ACOX1: variants seen among roughly 807,000 people sequenced by gnomAD.
The protein encoded by ACOX1 is peroxisomal acyl-coenzyme A oxidase 1.
ACOX1 carries 41 observed loss-of-function variants against 75.5 expected under a neutral mutation model. That is an observed-to-expected ratio of 0.54 (90% CI 0.42 to 0.70). The LOEUF (loss-of-function observed/expected upper bound fraction) is 0.70, where lower values mean the gene tolerates loss of function less well. ACOX1 is among the 30% of genes least tolerant of loss of function. ACOX1 has a pLI of 0.00. For synonymous variants in ACOX1, 303 were observed against 298.8 expected (o/e 1.01, Z -0.15); for missense variants, 630 against 837.5 (o/e 0.75, Z 3.06).
chr17:75,956,967 CTCTCTATATATATATATA>C (rs1567878016), intron 4 of ACOX1, among the ~76,000 whole-genome samples: 129 of 11,022 alleles, frequency 0.012, 1 homozygote, highest in Non-Finnish European at 0.015. Flanking sequence ...CTCTCTCTCT[CTCTCTATATATATATATA>C]TATATATATA....
chr17:75,975,935 GAAAGAAAAGA>G (rs140583125), intron 2 of ACOX1, among the ~76,000 whole-genome samples: 4,443 of 150,202 alleles, frequency 0.03, 71 homozygotes, highest in Middle Eastern at 0.055. Context: ...GAAAGGAAAA[GAAAGAAAAGA>G]AAAGAAAGAA....
At chr17:75,974,146 GTT>G (rs56119306) in intron 2 of ACOX1, among the ~76,000 whole-genome samples, 3 of 142,088 alleles carry the variant, frequency 2.1e-5, no homozygotes, top group East Asian at 2.0e-4. Context: ...AATGTGTGTG[GTT>G]TTTTTTTTTT....
rs759850487 is a variant in ACOX1 at position 75,978,749 on chromosome 17, A to G, written c.110-56T>C. ...AGACAGACACTCGGGCCTCCGTTCC[A>G]CCCTCCCTGAATCACAATAGGCTTC... On this transcript the variant is annotated intron_variant, in intron 1 of 13. Transcript: ENST00000293217. The surrounding 1 kb of genome is among the most constrained non-coding windows in gnomAD (Gnocchi z 4.2). 1.6e-5 allele frequency: 26 copies of G among 1,611,918 alleles called. No individual in the cohort carries two copies. The highest frequency in any genetic ancestry group is 2.1e-4 in the Middle Eastern group (1 of 4,696).
chr17:75,944,977 C>G lies in ACOX1; in HGVS notation c.*1771G>C, dbSNP rs1234870812. On this transcript the variant is annotated 3_prime_UTR_variant, in exon 14 of 14. Transcript: ENST00000293217. ...GCCAGGATGGTCTCAAACTCCTGACCTCAGGTGATCCACCCGCTTCGGCCT... is the reference window on the plus strand; with the variant it reads ...GCCAGGATGGTCTCAAACTCCTGACGTCAGGTGATCCACCCGCTTCGGCCT... 5 of 152,288 alleles carry G rather than the reference C, an allele frequency of 3.3e-5. No individual in the cohort carries two copies. Among genetic ancestry groups the G allele is most frequent in the African/African-American group, 9.6e-5 (4 of 41,552 alleles). The allele number at this position is 152,288 out of a possible 1,614,324, so 9.4% of individuals were successfully genotyped here. A position where few individuals can be genotyped will look rare whatever the true frequency, so the allele number is the denominator to read the frequency against.
In ACOX1 at chr17:75,953,633, C is replaced by G. The variant is rs779884325; in HGVS notation, c.775-13G>C. On this transcript the variant is annotated splice_polypyrimidine_tract_variant and intron_variant, in intron 6 of 13. Transcript: ENST00000293217. The stretch of plus-strand genomic sequence containing the variant: ...CATCAGGCTTCACCTGGAAGAAGAA[C>G]GTGGAACTGATACTTCCTTCTTTTA... The G allele has an allele frequency of 1.2e-6, 2 of 1,613,718 alleles. No homozygotes were observed. Among genetic ancestry groups the G allele is most frequent in the African/African-American group, 1.3e-5 (1 of 74,924 alleles).
At chr17:75,953,368 T>C in intron 7 of ACOX1, 83 bp downstream of exon 7, 1 of 1,522,636 alleles carries the variant, frequency 6.6e-7, no homozygotes, top group Non-Finnish European at 9.1e-7. Context: ...GCATCTTCTG[T>C]ATTGACATTT....
chr17:75,942,816 A>G lies in ACOX1; in HGVS notation c.*3932T>C, dbSNP rs558901332. 2.0e-5 allele frequency: 3 copies of G among 152,404 alleles called. No individual in the cohort carries two copies. Among genetic ancestry groups the G allele is most frequent in the Middle Eastern group, 6.8e-3 (2 of 294 alleles). 9.4% of individuals were successfully genotyped at this position (152,404 alleles called of 1,614,324 possible). A position where few individuals can be genotyped will look rare whatever the true frequency, so the allele number is the denominator to read the frequency against. ...GGATGGAATAACTCGGAAAAGGGAA[A>G]GGAGGGATTTTGAGCCGCAGTTGTC... is the stretch of plus-strand genomic sequence containing the variant. On this transcript the variant is annotated 3_prime_UTR_variant, in exon 14 of 14. Transcript: ENST00000293217.
intron 2 of ACOX1, among the ~76,000 whole-genome samples, chr17:75,964,041 G>A (rs1446086063): frequency 6.6e-6 from 1 of 151,886 alleles, no homozygotes; most frequent in Non-Finnish European, 1.5e-5. Flanking sequence ...AAAATTAGCT[G>A]GGCATGGTGG....
chr17:75,954,138 C>A (rs925478716), intron 6 of ACOX1, among the ~76,000 whole-genome samples: 1 of 151,358 alleles, frequency 6.6e-6, no homozygotes, highest in Non-Finnish European at 1.5e-5. Flanking sequence ...ATCGCTTGAA[C>A]CTGGGAGGCG....
At chr17:75,963,916 G>A (rs2065907961) in intron 2 of ACOX1, among the ~76,000 whole-genome samples, 3 of 151,458 alleles carry the variant, frequency 2.0e-5, no homozygotes. Context: ...AGGCACGGTG[G>A]CTCATGCCTA....
chr17:75,968,698 G>A (rs1461705282), intron 2 of ACOX1, among the ~76,000 whole-genome samples: 4 of 150,118 alleles, frequency 2.7e-5, no homozygotes, highest in South Asian at 2.1e-4. Flanking sequence ...TGAAGCGGGC[G>A]GATCACCTGA....
rs35173085 is a variant in ACOX1, at chr17:75,942,429, C to CAAAAAAAAAAAAA, written c.*4306_*4318dup. On this transcript the variant is annotated 3_prime_UTR_variant, in exon 14 of 14. Transcript: ENST00000293217. ...TGGGTGAAAGAGCAAGACAACGTCT[C>CAAAAAAAAAAAAA]AAAAAAAAAAAAAAAAAAAAAAGCA... 3 of 66,612 alleles carry CAAAAAAAAAAAAA rather than the reference C, an allele frequency of 4.5e-5. No homozygotes were observed. The highest frequency in any genetic ancestry group is 5.5e-4 in the East Asian group (1 of 1,816). 4.1% of individuals were successfully genotyped at this position (66,612 alleles called of 1,614,324 possible).
intron 3 of ACOX1, among the ~76,000 whole-genome samples, chr17:75,958,317 C>T (rs1179125863): frequency 7.1e-6 from 1 of 141,750 alleles, no homozygotes; most frequent in South Asian, 2.2e-4. Context: ...TGTGCCACCG[C>T]ACTCCAGCCT....
At chr17:75,956,437 T>C (rs1310969807) in intron 4 of ACOX1, among the ~76,000 whole-genome samples, 1 of 152,162 alleles carries the variant, frequency 6.6e-6, no homozygotes, top group Non-Finnish European at 1.5e-5. Context: ...GCGCCTGTAA[T>C]TCCAGCACTT....
At chr17:75,947,248 G>GTTTT (rs55857840) in intron 13 of ACOX1, among the ~76,000 whole-genome samples, 7 of 137,574 alleles carry the variant, frequency 5.1e-5, no homozygotes, top group Admixed American at 1.5e-4. Flanking sequence ...TGATGTCTTA[G>GTTTT]TTTTTTTTTT....
chr17:75,973,474 T>C (rs557790696), intron 2 of ACOX1: 9 of 813,878 alleles, frequency 1.1e-5, no homozygotes, highest in Admixed American at 1.0e-4. Context: ...CCAGGGAAAA[T>C]GTCTAGGAGA....
At chr17:75,951,082 A>G (rs991466487) in intron 8 of ACOX1, 118 bp from the exon 9 acceptor site, 2 of 1,070,894 alleles carry the variant, frequency 1.9e-6, no homozygotes, top group South Asian at 1.4e-5. Context: ...GCTGCCACAC[A>G]TGCAAACTGA....
At chr17:75,973,302 C>T (rs2066014082) in intron 2 of ACOX1, 1 of 376,610 alleles carries the variant, frequency 2.7e-6, no homozygotes, top group African/African-American at 2.1e-5. Flanking sequence ...GGCACTAACC[C>T]TCTGAAGAAT....
At chr17:75,962,270 C>A (rs528618826) in intron 2 of ACOX1, among the ~76,000 whole-genome samples, 3 of 152,110 alleles carry the variant, frequency 2.0e-5, no homozygotes, top group Non-Finnish European at 4.4e-5. Context: ...CTCTCCGTGA[C>A]AATTATACAG....
Sources: gnomAD v4.1 joint callset for allele counts (sites outside exome capture counted in the v4.1 genomes callset) on GRCh38, gnomAD v4.1.1 for gene constraint, Gnocchi (gnomAD v3.1) non-coding constraint, MANE v1.5 for transcripts, NCBI Gene and HGNC (gene_info 2026-07-23, HGNC 2026-07-21) for gene names.